Variants in SLC25A26 observed in about 807,000 individuals in gnomAD.
The protein encoded by SLC25A26 is mitochondrial S-adenosylmethionine carrier protein.
SLC25A26 carries 36 observed loss-of-function variants against 37.8 expected under a neutral mutation model. That is an observed-to-expected ratio of 0.95 (90% CI 0.73 to 1.26). SLC25A26 has a LOEUF of 1.26. Ranked by LOEUF, SLC25A26 falls within the 50% of genes most tolerant of loss-of-function variation. The pLI, the probability that SLC25A26 is intolerant of heterozygous loss-of-function variation, is 0.00. For missense variants in SLC25A26, 390 were observed against 331.1 expected (o/e 1.18, Z -1.38); for synonymous variants, 129 against 122.5 (o/e 1.05, Z -0.35).
At chr3:66,369,354 C>T in intron 7 of SLC25A26, 124 bp from the exon 8 acceptor site, 6 of 754,110 alleles carry the variant, frequency 8.0e-6, no homozygotes, top group South Asian at 6.7e-5. Context: ...TGTGTGCATC[C>T]TGTTCTTCAA....
At chr3:66,306,297 ATAATTG>A (rs1202326051) in intron 5 of SLC25A26, among the ~76,000 whole-genome samples, 1 of 152,204 alleles carries the variant, frequency 6.6e-6, no homozygotes, top group African/African-American at 2.4e-5. Flanking sequence ...TAACTTTGTA[ATAATTG>A]CCATTGTGAA....
At chr3:66,362,229 C>T (rs372638358) in intron 6 of SLC25A26, among the ~76,000 whole-genome samples, 1 of 152,068 alleles carries the variant, frequency 6.6e-6, no homozygotes, top group East Asian at 1.9e-4. Context: ...CATATAAAGA[C>T]CTGTATACAA....
chr3:66,337,302 G>A (rs773358743), intron 5 of SLC25A26, among the ~76,000 whole-genome samples: 1 of 152,040 alleles, frequency 6.6e-6, no homozygotes, highest in Non-Finnish European at 1.5e-5. Context: ...CTTGGTCTTA[G>A]CCTACCATGT....
intron 1 of SLC25A26, among the ~76,000 whole-genome samples, chr3:66,182,605 C>T (rs1224639171): frequency 6.6e-6 from 1 of 151,506 alleles, no homozygotes; most frequent in African/African-American, 2.4e-5. Context: ...GCCATAAAAC[C>T]TAACTCCCCT....
chr3:66,310,479 G>A (rs956288190), intron 5 of SLC25A26, among the ~76,000 whole-genome samples: 2 of 152,080 alleles, frequency 1.3e-5, no homozygotes, highest in Non-Finnish European at 2.9e-5. Context: ...TTTTAACTGG[G>A]GCATCTAGCC....
At chr3:66,219,597 T>C (rs1483662357), upstream of SLC25A26, among the ~76,000 whole-genome samples, 5 of 152,098 alleles carry the variant, frequency 3.3e-5, no homozygotes, top group African/African-American at 9.7e-5. Context: ...GAGAACAACA[T>C]GGGCAAAATT....
intron 1 of SLC25A26, among the ~76,000 whole-genome samples, chr3:66,159,436 G>A (rs2070326957): frequency 6.6e-6 from 1 of 152,124 alleles, no homozygotes; most frequent in African/African-American, 2.4e-5. Flanking sequence ...TGTAAATTAT[G>A]TTGAGTTTAT....
chr3:66,315,164 G>A lies in SLC25A26; in HGVS notation c.454-31200G>A, dbSNP rs145273634. Reference sequence around the variant, plus strand: ...CTTGGTTATTTCTTGTCTTCTGCTAGCTTTGGGGTTTGTTTACTCTCAGTT... The same window carrying A: ...CTTGGTTATTTCTTGTCTTCTGCTAACTTTGGGGTTTGTTTACTCTCAGTT... On this transcript the variant is annotated intron_variant, in intron 5 of 9. Coordinates refer to ENST00000354883, the MANE Select transcript of SLC25A26 (RefSeq NM_001379210.1). Among the ~76,000 whole-genome samples, 241 of 147,540 alleles carry A rather than the reference G, an allele frequency of 1.6e-3. 8 individuals are homozygous for A. The East Asian group carries it at 0.046, about 28-fold the overall frequency.
chr3:66,167,088 G>A (rs1249197671), intron 1 of SLC25A26, among the ~76,000 whole-genome samples: 2 of 152,170 alleles, frequency 1.3e-5, no homozygotes, highest in African/African-American at 4.8e-5. Flanking sequence ...GTGGAGCTGT[G>A]ACTCCATTAA....
intron 8 of SLC25A26, among the ~76,000 whole-genome samples, 195 bp from the exon 9 acceptor site, chr3:66,370,334 T>C (rs932232731): frequency 1.1e-4 from 16 of 152,240 alleles, no homozygotes; most frequent in African/African-American, 3.6e-4. Flanking sequence ...GCCACATCCC[T>C]GCTTGCCTGC....
In SLC25A26 at chr3:66,378,594, C is replaced by CACTT. The variant is rs1203517978; in HGVS notation, c.*789_*792dup. The CACTT allele has an allele frequency of 6.6e-6, 1 of 152,416 alleles. No homozygotes were observed. Among genetic ancestry groups the CACTT allele is most frequent in the Non-Finnish European group, 1.5e-5 (1 of 68,036 alleles). 9.4% of individuals were successfully genotyped at this position (152,416 alleles called of 1,614,324 possible). On this transcript the variant is annotated 3_prime_UTR_variant, in exon 10 of 10. Transcript: ENST00000354883. ...GCAGGATGAAATGGAAAGGTCACCA[C>CACTT]ACTTAGGGATTTTAGACCTTGACTA...
chr3:66,265,458 C>G (rs1406128724), intron 5 of SLC25A26, among the ~76,000 whole-genome samples: 1 of 152,196 alleles, frequency 6.6e-6, no homozygotes, highest in Non-Finnish European at 1.5e-5. Flanking sequence ...ACACAATTCT[C>G]TGTTAAAGAA....
intron 1 of SLC25A26, among the ~76,000 whole-genome samples, chr3:66,138,383 CTCT>C (rs1487466904): frequency 6.6e-6 from 1 of 152,122 alleles, no homozygotes; most frequent in Non-Finnish European, 1.5e-5. Flanking sequence ...TGATAAATTT[CTCT>C]TTTTTTCTAT....
intron 5 of SLC25A26, among the ~76,000 whole-genome samples, chr3:66,314,577 GT>G (rs1475099132): frequency 6.6e-6 from 1 of 152,016 alleles, no homozygotes; most frequent in East Asian, 1.9e-4. Flanking sequence ...CTGAAGTTTT[GT>G]TTTTTGTTGT....
intron 5 of SLC25A26, among the ~76,000 whole-genome samples, chr3:66,344,640 G>GGCGTGT (rs2076279463): frequency 6.6e-6 from 1 of 152,216 alleles, no homozygotes; most frequent in Non-Finnish European, 1.5e-5. Context: ...CTGGGCCCGT[G>GGCGTGT]GCGTGTGCGT....
At chr3:66,280,554 G>A (rs563143180) in intron 5 of SLC25A26, among the ~76,000 whole-genome samples, 3 of 152,058 alleles carry the variant, frequency 2.0e-5, no homozygotes, top group African/African-American at 7.2e-5. Flanking sequence ...AGGCAGAGTT[G>A]GTCTCTGAAT....
chr3:66,155,174 G>A (rs1295715409), intron 1 of SLC25A26, among the ~76,000 whole-genome samples: 1 of 152,174 alleles, frequency 6.6e-6, no homozygotes, highest in African/African-American at 2.4e-5. Flanking sequence ...TTTTAGCCCA[G>A]AGACCAGCTC....
intron 1 of SLC25A26, among the ~76,000 whole-genome samples, chr3:66,196,693 C>G (rs1330986406): frequency 2.3e-5 from 3 of 131,310 alleles, no homozygotes; most frequent in African/African-American, 9.7e-5. Context: ...TGTGAATTAA[C>G]TGCAATAACT....
At chr3:66,226,748 A>G (rs1487660644) in intron 1 of SLC25A26, among the ~76,000 whole-genome samples, 4 of 152,042 alleles carry the variant, frequency 2.6e-5, no homozygotes, top group Non-Finnish European at 4.4e-5. Context: ...GGCATGAGCC[A>G]CTGAGCCCAG....
Sources: gnomAD v4.1 joint callset for allele counts (sites outside exome capture counted in the v4.1 genomes callset) on GRCh38, gnomAD v4.1.1 for gene constraint, MANE v1.5 for transcripts, NCBI Gene and HGNC (gene_info 2026-07-23, HGNC 2026-07-21) for gene names.